GABRA2: variants seen among roughly 807,000 people sequenced by gnomAD.
The protein encoded by GABRA2 is gamma-aminobutyric acid type A receptor subunit alpha2.
GABRA2 carries 16 observed loss-of-function variants against 48.7 expected under a neutral mutation model. The observed-to-expected ratio is 0.33, with a 90% CI of 0.22 to 0.50. The LOEUF is 0.50. Among genes scored for constraint, GABRA2 ranks in the 20% least tolerant of loss-of-function variants. The pLI is 0.98. For missense variants in GABRA2, 275 were observed against 535.6 expected, an observed-to-expected ratio of 0.51 and a Z score of 4.80; for synonymous variants, 185 against 184.5, an observed-to-expected ratio of 1.00 and a Z score of -0.02.
Position 46,306,901 on chromosome 4 carries a change from T to C in GABRA2, c.560-1190A>G, listed in dbSNP as rs146079155. On this transcript the variant is annotated intron_variant, in intron 6 of 9. Transcript: ENST00000381620. ...CCATCAGTAACAATAGAGTAAATGA[T>C]TATGAGTTTGTGTTTTCTAATGACA... Among the ~76,000 whole-genome samples the C allele has an allele frequency of 2.5e-4, 38 of 152,172 alleles. No homozygotes were observed. In the East Asian group the frequency reaches 7.2e-3, roughly 29 times the overall value.
chr4:46,269,340 A>G (rs751524932), intron 8 of GABRA2, among the ~76,000 whole-genome samples: 1 of 151,860 alleles, frequency 6.6e-6, no homozygotes, highest in Non-Finnish European at 1.5e-5. Context: ...AGAATAAAAA[A>G]GAAAGTATAG....
chr4:46,336,453 T>C (rs1732250304), intron 3 of GABRA2, among the ~76,000 whole-genome samples: 1 of 152,250 alleles, frequency 6.6e-6, no homozygotes, highest in South Asian at 2.1e-4. Context: ...CTAGCAGAAA[T>C]ATCCACCAGC....
intron 3 of GABRA2, among the ~76,000 whole-genome samples, chr4:46,378,596 A>G (rs1223275538): frequency 6.6e-6 from 1 of 151,328 alleles, no homozygotes; most frequent in East Asian, 1.9e-4. Context: ...CCTTCCCTCC[A>G]CTATTGTCCT....
chr4:46,253,017 A>T (rs1715107017), intron 9 of GABRA2, among the ~76,000 whole-genome samples: 1 of 151,478 alleles, frequency 6.6e-6, no homozygotes, highest in Non-Finnish European at 1.5e-5. Flanking sequence ...TACAAGATGT[A>T]AAGGCAATAT....
At chr4:46,284,332 G>A (rs899204918) in intron 8 of GABRA2, among the ~76,000 whole-genome samples, 1 of 152,082 alleles carries the variant, frequency 6.6e-6, no homozygotes, top group Non-Finnish European at 1.5e-5. Flanking sequence ...TCTAGTCTCA[G>A]GAACCTCGAA....
At chr4:46,294,686 C>T (rs1233577821) in intron 8 of GABRA2, among the ~76,000 whole-genome samples, 1 of 152,162 alleles carries the variant, frequency 6.6e-6, no homozygotes, top group Non-Finnish European at 1.5e-5. Flanking sequence ...TAGGTGAACC[C>T]CAATGGACAT....
At chr4:46,338,107 T>C (rs1732571806) in intron 3 of GABRA2, among the ~76,000 whole-genome samples, 1 of 151,924 alleles carries the variant, frequency 6.6e-6, no homozygotes, top group African/African-American at 2.4e-5. Flanking sequence ...TACACACCAT[T>C]TTAAAACTGA....
At chr4:46,256,902 C>T (rs1333779467) in intron 9 of GABRA2, among the ~76,000 whole-genome samples, 4 of 151,512 alleles carry the variant, frequency 2.6e-5, no homozygotes, top group Non-Finnish European at 5.9e-5. Flanking sequence ...TTTGTTCCTA[C>T]GTCTACGTTT....
In GABRA2 at chr4:46,362,453, C is replaced by A. The variant is rs188106237; in HGVS notation, c.187+23621G>T. Among the ~76,000 whole-genome samples, 226 of 152,162 alleles carry A rather than the reference C, an allele frequency of 1.5e-3. 2 individuals are homozygous for A. The highest frequency in any genetic ancestry group is 5.2e-3 in the African/African-American group (216 of 41,494). ...CTTTCTTTTGTGAATTGCCCAGTCC[C>A]AGGTATGTCTTTATCAGCAGCGTGA... On this transcript the variant is annotated intron_variant, in intron 3 of 9. Coordinates refer to ENST00000381620, the MANE Select transcript of GABRA2 (RefSeq NM_000807.4).
intron 3 of GABRA2, among the ~76,000 whole-genome samples, chr4:46,333,194 CTCAA>C (rs879329200): frequency 6.6e-5 from 10 of 152,042 alleles, no homozygotes; most frequent in African/African-American, 1.9e-4. Context: ...ATATAAAAAG[CTCAA>C]TCATTCAGTG....
rs1714283262 is a variant in GABRA2, at chr4:46,249,343, C to T, written c.*965G>A. 1 of 151,288 alleles carries T rather than the reference C, an allele frequency of 6.6e-6. No homozygotes were observed. Among genetic ancestry groups the T allele is most frequent in the African/African-American group, 2.4e-5 (1 of 41,288 alleles). The allele number at this position is 151,288 out of a possible 1,614,324, so 9.4% of individuals were successfully genotyped here. On this transcript the variant is annotated 3_prime_UTR_variant, in exon 10 of 10. Coordinates refer to ENST00000381620, the MANE Select transcript of GABRA2 (RefSeq NM_000807.4). ...GCCTTAAGGCAGAATTTGCAGTAAA[C>T]AGGAAAGAGGAGAATCATATAAGTG... is the stretch of plus-strand genomic sequence containing the variant.
intron 8 of GABRA2, among the ~76,000 whole-genome samples, chr4:46,289,516 T>A (rs1334648664): frequency 6.6e-6 from 1 of 151,944 alleles, no homozygotes; most frequent in Non-Finnish European, 1.5e-5. Flanking sequence ...CATGGACACA[T>A]AGGGAGGAAC....
chr4:46,338,177 T>C (rs1359157291), intron 3 of GABRA2, among the ~76,000 whole-genome samples: 2 of 151,960 alleles, frequency 1.3e-5, no homozygotes, highest in African/African-American at 4.8e-5. Context: ...TAAAAATATT[T>C]CTGAAAGTTT....
chr4:46,307,827 T>G (rs1726964058), intron 6 of GABRA2, among the ~76,000 whole-genome samples: 1 of 152,142 alleles, frequency 6.6e-6, no homozygotes, highest in African/African-American at 2.4e-5. Context: ...GTTTTGAGAT[T>G]TTGTGTCTGG....
chr4:46,370,770 G>T (rs1578198810), intron 3 of GABRA2, among the ~76,000 whole-genome samples: 1 of 152,022 alleles, frequency 6.6e-6, no homozygotes, highest in African/African-American at 2.4e-5. Context: ...TTAGAGGTTT[G>T]CAGCCTTATT....
chr4:46,310,657 G>A (rs562181580), intron 5 of GABRA2, among the ~76,000 whole-genome samples: 1 of 152,064 alleles, frequency 6.6e-6, no homozygotes, highest in Non-Finnish European at 1.5e-5. Context: ...ATTGATCAAA[G>A]GATTCAATAT....
chr4:46,335,648 C>A (rs1477932525), intron 3 of GABRA2, among the ~76,000 whole-genome samples: 1 of 151,824 alleles, frequency 6.6e-6, no homozygotes, highest in Non-Finnish European at 1.5e-5. Flanking sequence ...TTTTTGTATT[C>A]TTAGTAGAGA....
At chr4:46,286,968 T>A (rs942404978) in intron 8 of GABRA2, among the ~76,000 whole-genome samples, 5 of 152,180 alleles carry the variant, frequency 3.3e-5, no homozygotes, top group African/African-American at 1.2e-4. Context: ...ACAATTTATT[T>A]ATTTATTTCT....
intron 3 of GABRA2, among the ~76,000 whole-genome samples, chr4:46,336,052 C>A (rs1399263767): frequency 6.6e-6 from 1 of 152,014 alleles, no homozygotes; most frequent in African/African-American, 2.4e-5. Context: ...TGGTCTGTCT[C>A]CCCATCCAGG....
Sources: allele counts gnomAD v4.1 joint callset (sites outside exome capture counted in the v4.1 genomes callset), GRCh38; gene constraint gnomAD v4.1.1; transcripts MANE v1.5; gene names NCBI Gene and HGNC (gene_info 2026-07-23, HGNC 2026-07-21).